The following RLF variants were observed in gnomAD, a reference collection of about 807,000 sequenced individuals.
RLF encodes the protein zinc finger protein Rlf.
A neutral mutation model predicts 162.9 loss-of-function variants in RLF; 7 were observed. That is an observed-to-expected ratio of 0.04 (90% CI 0.02 to 0.08). The LOEUF is 0.08. RLF is among the 10% of genes least tolerant of loss of function. The pLI is 1.00. For synonymous variants in RLF, 782 were observed against 791.5 expected (o/e 0.99, Z 0.20); for missense variants, 1,664 against 2,244.7 (o/e 0.74, Z 5.23).
chr1:40,168,971 C>A (rs555732656), intron 1 of RLF, among the ~76,000 whole-genome samples: 4 of 151,930 alleles, frequency 2.6e-5, no homozygotes, highest in Non-Finnish European at 5.9e-5. Context: ...CCATCCTGGG[C>A]AACAAGAGCA....
At position 40,236,979 on chromosome 1, in the gene RLF, A is replaced by T. The variant is rs750052945; in HGVS notation, c.2277A>T (p.Leu759=). ...CTAGGTTTGGATCAGTAAATGAACT[A>T]CTTAACCATAAACAAAAGCATGACG... ...CYARFGSVNE[L]LNHKQKHDDL... is the part of the protein sequence containing the mutation. The change falls in exon 8 of 8, where the codon CTA becomes CTT. Residue 759 remains leucine (L), a synonymous_variant. Transcript: ENST00000372771. The surrounding 1 kb of genome is among the most constrained non-coding windows in gnomAD (Gnocchi z 7.7). 1.2e-6 allele frequency: 2 copies of T among 1,614,146 alleles called. No homozygotes were observed. Among genetic ancestry groups the T allele is most frequent in the Non-Finnish European group, 1.7e-6 (2 of 1,179,990 alleles).
intron 1 of RLF, among the ~76,000 whole-genome samples, chr1:40,176,922 CT>C (rs1417528956): frequency 6.6e-6 from 1 of 150,808 alleles, no homozygotes; most frequent in Non-Finnish European, 1.5e-5. Context: ...TAGGTTGTGC[CT>C]TCTCTCTTTT....
At chr1:40,171,010 T>TTTTGTTTG (rs138268620) in intron 1 of RLF, among the ~76,000 whole-genome samples, 33 of 151,408 alleles carry the variant, frequency 2.2e-4, no homozygotes, top group African/African-American at 8.0e-4. Flanking sequence ...TTGATAGTGT[T>TTTTGTTTG]TTTGTTTGTT....
At chr1:40,175,648 C>CA (rs1203394978) in intron 1 of RLF, among the ~76,000 whole-genome samples, 4 of 151,120 alleles carry the variant, frequency 2.6e-5, no homozygotes, top group Non-Finnish European at 5.9e-5. Flanking sequence ...GACTCCGACT[C>CA]AAAAAAATAA....
intron 1 of RLF, among the ~76,000 whole-genome samples, chr1:40,168,534 C>G (rs905030725): frequency 6.6e-6 from 1 of 152,138 alleles, no homozygotes; most frequent in Non-Finnish European, 1.5e-5. Flanking sequence ...TGAGCCATTG[C>G]ACCCGGCCAA....
intron 4 of RLF, 78 bp from the exon 5 acceptor site, chr1:40,202,334 A>G (rs909438671): frequency 1.1e-6 from 1 of 886,726 alleles, no homozygotes; most frequent in East Asian, 2.9e-5. Flanking sequence ...AAATAAAAAG[A>G]TCTCAAACTT....
chr1:40,177,638 G>A (rs1642345831), intron 1 of RLF, among the ~76,000 whole-genome samples: 1 of 152,032 alleles, frequency 6.6e-6, no homozygotes, highest in South Asian at 2.1e-4. Context: ...GATAAATTGT[G>A]TTTTTCCCAT....
chr1:40,182,745 A>ATAGGTAGG (rs1286930615), intron 1 of RLF, among the ~76,000 whole-genome samples: 2 of 112,654 alleles, frequency 1.8e-5, no homozygotes, highest in Non-Finnish European at 1.8e-5. Context: ...GTATAGACAG[A>ATAGGTAGG]TAGATAGGTA....
At chr1:40,195,407 C>T (rs1196176605) in intron 3 of RLF, among the ~76,000 whole-genome samples, 2 of 151,354 alleles carry the variant, frequency 1.3e-5, no homozygotes, top group Non-Finnish European at 2.9e-5. Flanking sequence ...TGAGATCGCG[C>T]CACTGCACTC....
At chr1:40,233,053 C>G (rs959671842) in intron 7 of RLF, among the ~76,000 whole-genome samples, 3 of 150,748 alleles carry the variant, frequency 2.0e-5, no homozygotes, top group Non-Finnish European at 4.4e-5. Flanking sequence ...CGAGATCACA[C>G]CATTGCACTC....
intron 1 of RLF, among the ~76,000 whole-genome samples, chr1:40,179,031 C>T (rs1036182385): frequency 2.6e-5 from 4 of 151,372 alleles, no homozygotes; most frequent in South Asian, 4.2e-4. Context: ...GACAGCATTT[C>T]GCCGTGTTGG....
intron 1 of RLF, among the ~76,000 whole-genome samples, chr1:40,187,547 T>C (rs1444756273): frequency 6.6e-6 from 1 of 152,206 alleles, no homozygotes; most frequent in African/African-American, 2.4e-5. Flanking sequence ...TGTGACCAAG[T>C]AGCAAGATAC....
At chr1:40,223,920 AC>A (rs1243713194) in intron 6 of RLF, among the ~76,000 whole-genome samples, 1 of 152,250 alleles carries the variant, frequency 6.6e-6, no homozygotes, top group African/African-American at 2.4e-5. Flanking sequence ...GTAGTTTTTT[AC>A]CACCAAATCC....
rs75503457 is a variant in RLF at position 40,195,449 on chromosome 1, TAAAA to T, written c.475-172_475-169del. 3.9e-3 allele frequency among the ~76,000 whole-genome samples: 547 copies of T among 141,818 alleles called. 12 individuals are homozygous for T. Among genetic ancestry groups the T allele is most frequent in the East Asian group, 0.033 (161 of 4,948 alleles). 93.0% of individuals were successfully genotyped at this position (141,818 alleles called of 152,430 possible). ...GGGTGACAGAGTAAGATTCTGTCTT[TAAAA>T]AAAAAAAAAAGACAGCAACAGAATT... On this transcript the variant is annotated intron_variant, in intron 3 of 7. Coordinates refer to ENST00000372771, the MANE Select transcript of RLF (RefSeq NM_012421.4).
rs1643247042 is a variant in RLF at position 40,238,520 on chromosome 1, C to T, written c.3818C>T (p.Ser1273Leu). The change falls in exon 8 of 8, where the codon TCA becomes TTA. Residue 1273 changes from serine (S) to leucine (L), a missense_variant. Around this residue, in one of 15 missense-constraint regions of RLF, gnomAD observed 102 missense variants for 109.5 expected, o/e 0.93. Transcript: ENST00000372771. The surrounding 1 kb of genome is among the most constrained non-coding windows in gnomAD (Gnocchi z 5.2). ...GAAAGTAAAACATCTGACATTTCAT[C>T]ACCAATAGGCAGCCATAGAGAAGAA... ...ETESKTSDIS[S>L]PIGSHREEQE... The T allele has an allele frequency of 5.6e-6, 9 of 1,613,860 alleles. No homozygotes were observed. The highest frequency in any genetic ancestry group is 1.3e-5 in the African/African-American group (1 of 75,048).
At chr1:40,205,852 T>G (rs933552233) in intron 5 of RLF, among the ~76,000 whole-genome samples, 1 of 152,184 alleles carries the variant, frequency 6.6e-6, no homozygotes, top group African/African-American at 2.4e-5. Flanking sequence ...ACCATATCAC[T>G]AAATCTAATG....
In RLF at chr1:40,239,416, C is replaced by T; in HGVS notation, c.4714C>T (p.Arg1572Cys). ...GAGCAGCATTGTGAGGCATTACAAA[C>T]GCACTCATCAGATGAGTAGTGCCTA... ...LESSIVRHYK[R>C]THQMSSAYLE... Residue 1572 changes from arginine to cysteine, a missense_variant, in exon 8 of 8, where the codon CGC (arginine) becomes TGC (cysteine). By Grantham distance (180) the Arg-to-Cys change is radical. Transcript: ENST00000372771. 1 of 1,613,930 alleles carries T rather than the reference C, an allele frequency of 6.2e-7. No homozygotes were observed. The highest frequency in any genetic ancestry group is 8.5e-7 in the Non-Finnish European group (1 of 1,180,020).
In RLF at chr1:40,236,623, C is replaced by T; in HGVS notation, c.1921C>T (p.His641Tyr). The part of the protein sequence containing the change: ...KSPSAIPEQN[H>Y]SLNDQAKGES... ...CCCCTCTGCAATCCCAGAGCAAAAC[C>T]ATTCATTGAATGACCAAGCCAAAGG... The change falls in exon 8 of 8, where the codon CAT (histidine) becomes TAT (tyrosine). Residue 641 changes from histidine (H) to tyrosine (Y), a missense_variant. By Grantham distance (83) the His-to-Tyr change is moderately conservative. Around this residue, in one of 15 missense-constraint regions of RLF, gnomAD observed 50 missense variants for 46.7 expected, o/e 1.07. Coordinates refer to ENST00000372771, the MANE Select transcript of RLF (RefSeq NM_012421.4). The surrounding 1 kb of genome is among the most constrained non-coding windows in gnomAD (Gnocchi z 7.7). 2 of 1,614,074 alleles carry T rather than the reference C, an allele frequency of 1.2e-6. No homozygotes were observed. The highest frequency in any genetic ancestry group is 1.7e-6 in the Non-Finnish European group (2 of 1,180,008).
intron 6 of RLF, among the ~76,000 whole-genome samples, chr1:40,224,442 AATTTTTGT>A (rs1643036863): frequency 6.7e-6 from 1 of 149,942 alleles, no homozygotes; most frequent in South Asian, 2.1e-4. Context: ...ACGCCCGACT[AATTTTTGT>A]ATTTTTGGTA....
Sources: gnomAD v4.1 joint callset for allele counts (sites outside exome capture counted in the v4.1 genomes callset) on GRCh38, gnomAD v4.1.1 for gene constraint, gnomAD v4.1.1 regional missense constraint, Gnocchi (gnomAD v3.1) non-coding constraint, MANE v1.5 for transcripts, NCBI Gene and HGNC (gene_info 2026-07-23, HGNC 2026-07-21) for gene names.